The following SPATA21 variants were observed in gnomAD, a reference collection of about 807,000 sequenced individuals.
SPATA21 encodes spermatogenesis-associated protein 21.
SPATA21 carries 47 observed loss-of-function variants against 54.8 expected under a neutral mutation model. The observed-to-expected ratio is 0.86, with a 90% CI of 0.68 to 1.09. The LOEUF (loss-of-function observed/expected upper bound fraction) is 1.09. Ranked by LOEUF, SPATA21 falls within the 50% of genes least tolerant of loss-of-function variation. SPATA21 has a pLI of 0.00. For synonymous variants in SPATA21, 245 were observed against 235.3 expected (o/e 1.04, Z -0.38); for missense variants, 599 against 596.4 (o/e 1.00, Z -0.05).
chr1:16,403,782 A>T lies in SPATA21; in HGVS notation c.946T>A (p.Ser316Thr), dbSNP rs2085533630. Residue 316 changes from serine to threonine, a missense_variant, in exon 10 of 13, where the codon TCC becomes ACC. By Grantham distance (58) the Ser-to-Thr change is moderately conservative. Coordinates refer to ENST00000335496, the MANE Select transcript of SPATA21 (RefSeq NM_198546.1). ...AAGGCCAGCATCTCTACCAGCAGGG[A>T]CAGGATCTCAAAGAGTAGAGTGTGG... is the stretch of plus-strand genomic sequence containing the variant. ...NPHTLLFEIL[S>T]LLVEMLALPE... The T allele has an allele frequency of 1.2e-6, 2 of 1,613,648 alleles. No individual in the cohort carries two copies. The highest frequency in any genetic ancestry group is 2.7e-5 in the African/African-American group (2 of 75,016).
chr1:16,403,483 C>CTTTTTCTT (rs2085517813), intron 10 of SPATA21, among the ~76,000 whole-genome samples: 4 of 117,178 alleles, frequency 3.4e-5, no homozygotes, highest in African/African-American at 1.2e-4. Flanking sequence ...TAGTTTTTTT[C>CTTTTTCTT]TTTTTTTTCT....
chr1:16,427,770 G>A, intron 3 of SPATA21: 1 of 1,389,922 alleles, frequency 7.2e-7, no homozygotes, highest in Non-Finnish European at 9.6e-7. Context: ...GAGCTGCCTT[G>A]GCCTGGGAGT....
At chr1:16,412,425 T>C (rs983784139) in intron 5 of SPATA21, among the ~76,000 whole-genome samples, 1 of 151,716 alleles carries the variant, frequency 6.6e-6, no homozygotes, top group Non-Finnish European at 1.5e-5. Context: ...CTTTTCCAAC[T>C]TTTTTTTTCT....
intron 5 of SPATA21, among the ~76,000 whole-genome samples, chr1:16,415,077 C>T (rs183789254): frequency 6.6e-6 from 1 of 152,206 alleles, no homozygotes; most frequent in African/African-American, 2.4e-5. Context: ...TGGCTCATGC[C>T]TGTAATCCTA....
At chr1:16,398,229 T>G, downstream of SPATA21, 1 of 164,338 alleles carries the variant, frequency 6.1e-6, no homozygotes, top group Non-Finnish European at 1.3e-5. Flanking sequence ...CTCTGCCCAG[T>G]CCCAGGGAAA....
chr1:16,412,181 C>G (rs570732461), intron 5 of SPATA21, among the ~76,000 whole-genome samples: 1 of 152,288 alleles, frequency 6.6e-6, no homozygotes, highest in South Asian at 2.1e-4. Context: ...CAGTCCTTCC[C>G]CTGCTCTGGA....
At chr1:16,397,417 G>T (rs1400874208), downstream of SPATA21, 1 of 152,276 alleles carries the variant, frequency 6.6e-6, no homozygotes, top group African/African-American at 2.4e-5. This position sits in a 1 kb window ranked among gnomAD's most constrained non-coding sequence, Gnocchi z 5.4. Flanking sequence ...GATTTTGTGT[G>T]TGGGAGGGTA....
intron 2 of SPATA21, among the ~76,000 whole-genome samples, chr1:16,432,281 C>T (rs549303110): frequency 6.6e-6 from 1 of 151,888 alleles, no homozygotes; most frequent in East Asian, 1.9e-4. Context: ...GCCACCATGC[C>T]CGGCTAATTT....
In SPATA21 at chr1:16,398,830, G is replaced by A; in HGVS notation, c.1353-8C>T. On this transcript the variant is annotated splice_region_variant and splice_polypyrimidine_tract_variant and intron_variant, in intron 12 of 12. Transcript: ENST00000335496. ...CTGTCAGAGTTGTGTTCCCTGGGGAGAGGAGTAGGGCAGAAGGGTGGGAGA... is the reference window on the plus strand; with the variant it reads ...CTGTCAGAGTTGTGTTCCCTGGGGAAAGGAGTAGGGCAGAAGGGTGGGAGA... The A allele has an allele frequency of 6.2e-7, 1 of 1,604,952 alleles. No homozygotes were observed. The highest frequency in any genetic ancestry group is 1.1e-5 in the South Asian group (1 of 90,922).
intron 10 of SPATA21, among the ~76,000 whole-genome samples, chr1:16,401,654 G>T (rs2085451953): frequency 6.6e-6 from 1 of 152,082 alleles, no homozygotes; most frequent in South Asian, 2.1e-4. Context: ...ACTTATCTGT[G>T]CAATTAACTC....
intron 3 of SPATA21, 168 bp from the exon 4 acceptor site, chr1:16,422,139 T>C (rs2086190794): frequency 2.7e-6 from 4 of 1,479,624 alleles, no homozygotes; most frequent in Non-Finnish European, 2.7e-6. Context: ...GCAGCAAGGC[T>C]CTGCTGGCTG....
intron 5 of SPATA21, among the ~76,000 whole-genome samples, chr1:16,414,652 T>C (rs2085945568): frequency 6.6e-6 from 1 of 151,986 alleles, no homozygotes; most frequent in Admixed American, 6.6e-5. Context: ...CCCAGCACTC[T>C]GGGAGGCTGA....
chr1:16,413,838 C>T (rs1324777417), intron 5 of SPATA21, among the ~76,000 whole-genome samples: 1 of 152,028 alleles, frequency 6.6e-6, no homozygotes, highest in Non-Finnish European at 1.5e-5. Flanking sequence ...GTCTTGAACT[C>T]CTGACCTCAA....
intron 2 of SPATA21, among the ~76,000 whole-genome samples, chr1:16,431,728 A>C (rs1168440251): frequency 4.6e-5 from 7 of 152,138 alleles, no homozygotes; most frequent in Non-Finnish European, 1.5e-5. Flanking sequence ...CCCAAAACCC[A>C]GGCGCTTTCC....
chr1:16,434,572 A>G (rs2086540726), intron 1 of SPATA21, among the ~76,000 whole-genome samples: 1 of 152,200 alleles, frequency 6.6e-6, no homozygotes, highest in Admixed American at 6.5e-5. Flanking sequence ...CTGAGATTAC[A>G]GGTGTGAGCC....
intron 7 of SPATA21, 28 bp from the exon 8 acceptor site, chr1:16,405,132 T>C (rs1210238422): frequency 6.3e-7 from 1 of 1,582,592 alleles, no homozygotes; most frequent in Non-Finnish European, 8.6e-7. Context: ...TTATGTGGAG[T>C]GGGGGCATTT....
intron 3 of SPATA21, among the ~76,000 whole-genome samples, chr1:16,430,436 A>G (rs977750703): frequency 3.9e-5 from 6 of 152,162 alleles, no homozygotes; most frequent in African/African-American, 1.4e-4. Flanking sequence ...CTGTCTCAAA[A>G]ATAAACAAAC....
intron 10 of SPATA21, among the ~76,000 whole-genome samples, chr1:16,402,661 G>T (rs1432347917): frequency 6.6e-6 from 1 of 151,924 alleles, no homozygotes; most frequent in Non-Finnish European, 1.5e-5. Context: ...GGCTCAAGCA[G>T]CCCTTCCCCT....
chr1:16,398,087 G>A, downstream of SPATA21: 1 of 830,670 alleles, frequency 1.2e-6, no homozygotes, highest in Non-Finnish European at 1.5e-6. Context: ...GCGGGCTCCT[G>A]AGTCGGCAGA....
Sources: allele counts gnomAD v4.1 joint callset (sites outside exome capture counted in the v4.1 genomes callset), GRCh38; gene constraint gnomAD v4.1.1; non-coding constraint Gnocchi (gnomAD v3.1); transcripts MANE v1.5; gene names NCBI Gene and HGNC (gene_info 2026-07-23, HGNC 2026-07-21).